TMEM182: variants seen among roughly 807,000 people sequenced by gnomAD.
TMEM182 encodes the protein transmembrane protein 182.
TMEM182 carries 20 observed loss-of-function variants against 26.8 expected under a neutral mutation model. That is an observed-to-expected ratio of 0.75 (90% CI 0.53 to 1.09). TMEM182 has a LOEUF of 1.09. Among genes scored for constraint, TMEM182 ranks in the 50% least tolerant of loss-of-function variants. The pLI is 0.00. For missense variants in TMEM182, 277 were observed against 275.5 expected (o/e 1.01, Z -0.04); for synonymous variants, 109 against 102.2 (o/e 1.07, Z -0.40).
At chr2:102,842,265 T>A (rs1683367418) in intron 3 of TMEM182, among the ~76,000 whole-genome samples, 1 of 152,184 alleles carries the variant, frequency 6.6e-6, no homozygotes, top group Non-Finnish European at 1.5e-5. Context: ...TCTGCATTAT[T>A]TATTCCGATT....
chr2:102,810,772 G>T (rs769071986), intron 4 of TMEM182, among the ~76,000 whole-genome samples: 2 of 151,994 alleles, frequency 1.3e-5, no homozygotes, highest in East Asian at 3.9e-4. Context: ...GGAAATAAAT[G>T]TGTGCTTTCC....
chr2:102,805,686 T>TA (rs1682318261), intron 4 of TMEM182, among the ~76,000 whole-genome samples: 1 of 152,042 alleles, frequency 6.6e-6, no homozygotes, highest in South Asian at 2.1e-4. Context: ...TCATATGACA[T>TA]ACTATAATGA....
chr2:102,798,262 G>A (rs1382183427), intron 4 of TMEM182, among the ~76,000 whole-genome samples: 4 of 152,066 alleles, frequency 2.6e-5, no homozygotes, highest in African/African-American at 9.7e-5. Context: ...TCACTGTAAG[G>A]CCATTATTAT....
At chr2:102,778,218 G>T (rs1332733970) in intron 3 of TMEM182, among the ~76,000 whole-genome samples, 1 of 151,836 alleles carries the variant, frequency 6.6e-6, no homozygotes, top group African/African-American at 2.4e-5. Flanking sequence ...ATTTAGGATT[G>T]CTATGTCTTC....
In TMEM182 at chr2:102,816,999, C is replaced by T; in HGVS notation, c.*2031C>T. ...TTGGCTGAATAGCTGATGTGTATGA[C>T]ACTTTTACACAGATTTGCACTTTGG... On this transcript the variant is annotated 3_prime_UTR_variant, in exon 5 of 5. Transcript: ENST00000412401. 2 of 985,564 alleles carry T rather than the reference C, an allele frequency of 2.0e-6. No individual in the cohort carries two copies. Among genetic ancestry groups the T allele is most frequent in the South Asian group, 9.4e-5 (2 of 21,282 alleles). The allele number at this position is 985,564 out of a possible 1,614,324, so 61.1% of individuals were successfully genotyped here.
intron 3 of TMEM182, among the ~76,000 whole-genome samples, chr2:102,778,077 T>A (rs1680999495): frequency 6.6e-6 from 1 of 152,068 alleles, no homozygotes; most frequent in South Asian, 2.1e-4. Flanking sequence ...TTCTGTGTAG[T>A]TGTTCCATCA....
intron 1 of TMEM182, among the ~76,000 whole-genome samples, chr2:102,743,840 A>G (rs1385034925): frequency 5.9e-5 from 9 of 152,228 alleles, no homozygotes; most frequent in Admixed American, 2.0e-4. Flanking sequence ...GACGTATTTC[A>G]AAACAAAAAA....
intron 3 of TMEM182, among the ~76,000 whole-genome samples, chr2:102,839,501 A>C (rs1025241808): frequency 2.0e-5 from 3 of 148,710 alleles, no homozygotes; most frequent in Non-Finnish European, 4.4e-5. Context: ...ATTCCTGTCT[A>C]TATAGTGGAA....
At chr2:102,819,768 T>C (rs1408732582), downstream of TMEM182, among the ~76,000 whole-genome samples, 3 of 152,156 alleles carry the variant, frequency 2.0e-5, no homozygotes, top group African/African-American at 4.8e-5. Context: ...ATTCCCAAAC[T>C]CTTAAGTTTT....
At chr2:102,770,588 C>G (rs1357982153) in intron 3 of TMEM182, among the ~76,000 whole-genome samples, 1 of 152,198 alleles carries the variant, frequency 6.6e-6, no homozygotes, top group Non-Finnish European at 1.5e-5. Flanking sequence ...CAGGCTTCCT[C>G]CTTTCTTCTC....
At chr2:102,827,736 A>T (rs985768669) in intron 3 of TMEM182, among the ~76,000 whole-genome samples, 4 of 152,212 alleles carry the variant, frequency 2.6e-5, no homozygotes, top group African/African-American at 7.2e-5. Flanking sequence ...CCAGACTGGA[A>T]TTTCCCAGAA....
At position 102,769,209 on chromosome 2, in the gene TMEM182, G is replaced by A. The variant is rs80315561; in HGVS notation, c.331+4782G>A. On this transcript the variant is annotated intron_variant, in intron 3 of 4. Coordinates refer to ENST00000412401, the MANE Select transcript of TMEM182 (RefSeq NM_144632.5). Reference sequence around the variant, plus strand: ...TCTAGCAACACAGAAGGGAAATGGAGAAAGCCTGGGAGTGAATGAAAATCA... The same window carrying A: ...TCTAGCAACACAGAAGGGAAATGGAAAAAGCCTGGGAGTGAATGAAAATCA... Among the ~76,000 whole-genome samples, 133 of 152,284 alleles carry A rather than the reference G, an allele frequency of 8.7e-4. 3 individuals carry two copies. The East Asian group carries it at 0.018, about 20-fold the overall frequency.
chr2:102,767,264 T>C (rs549284488), intron 3 of TMEM182, among the ~76,000 whole-genome samples: 1 of 152,332 alleles, frequency 6.6e-6, no homozygotes, highest in African/African-American at 2.4e-5. Flanking sequence ...AAATACATAT[T>C]CTGAAATTCA....
At chr2:102,838,483 C>T (rs2104781381) in intron 3 of TMEM182, among the ~76,000 whole-genome samples, 1 of 152,266 alleles carries the variant, frequency 6.6e-6, no homozygotes, top group African/African-American at 2.4e-5. Flanking sequence ...TCAGGGAAGG[C>T]TCTTCAGAGG....
At chr2:102,764,265 A>T in intron 2 of TMEM182, 64 bp from the exon 3 acceptor site, 1 of 1,498,766 alleles carries the variant, frequency 6.7e-7, no homozygotes, top group Admixed American at 1.7e-5. Flanking sequence ...TTTCTGTTCC[A>T]TTAAGGATGA....
chr2:102,785,465 A>C (rs796367260), intron 3 of TMEM182, among the ~76,000 whole-genome samples: 3 of 152,284 alleles, frequency 2.0e-5, no homozygotes, highest in African/African-American at 7.2e-5. Context: ...TTGGTGGCAC[A>C]TATTGTACTT....
chr2:102,761,999 G>A (rs1680229134), upstream of TMEM182: 10 of 429,090 alleles, frequency 2.3e-5, no homozygotes, highest in Admixed American at 2.0e-4. Context: ...CTGCTGGGCT[G>A]GAGTTCCTCC....
downstream of TMEM182, among the ~76,000 whole-genome samples, chr2:102,821,613 G>A (rs1558791527): frequency 6.6e-6 from 1 of 152,146 alleles, no homozygotes; most frequent in East Asian, 1.9e-4. Context: ...AAATCACACA[G>A]TCTCGGGTAT....
chr2:102,778,596 C>T (rs1681028700), intron 3 of TMEM182, among the ~76,000 whole-genome samples: 1 of 151,938 alleles, frequency 6.6e-6, no homozygotes, highest in African/African-American at 2.4e-5. Flanking sequence ...CTAGGAGTTA[C>T]TTGAAATATT....
Sources: gnomAD v4.1 joint callset for allele counts (sites outside exome capture counted in the v4.1 genomes callset) on GRCh38, gnomAD v4.1.1 for gene constraint, MANE v1.5 for transcripts, NCBI Gene and HGNC (gene_info 2026-07-23, HGNC 2026-07-21) for gene names.